NRIP1: variants seen among roughly 807,000 people sequenced by gnomAD.
NRIP1 encodes the protein nuclear receptor-interacting protein 1.
A neutral mutation model predicts 75.0 loss-of-function variants in NRIP1; 28 were observed. The ratio of observed to expected loss-of-function variants is 0.37; its 90% CI spans 0.28 to 0.51. The LOEUF (loss-of-function observed/expected upper bound fraction) is 0.51, where lower values mean the gene tolerates loss of function less well. NRIP1 is among the 20% of genes least tolerant of loss of function. The pLI, the probability that NRIP1 is intolerant of heterozygous loss-of-function variation, is 0.92. For synonymous variants in NRIP1, 526 were observed against 487.6 expected, an observed-to-expected ratio of 1.08 and a Z score of -1.04; for missense variants, 1,435 against 1,343.7, an observed-to-expected ratio of 1.07 and a Z score of -1.06.
chr21:14,988,732 A>G (rs534870737), intron 3 of NRIP1, among the ~76,000 whole-genome samples: 1 of 152,192 alleles, frequency 6.6e-6, no homozygotes, highest in South Asian at 2.1e-4. Flanking sequence ...ACCTCAGGAG[A>G]ATGGAACAAC....
At chr21:15,059,478 T>C (rs1446489072) in intron 1 of NRIP1, among the ~76,000 whole-genome samples, 1 of 152,108 alleles carries the variant, frequency 6.6e-6, no homozygotes, top group African/African-American at 2.4e-5. Flanking sequence ...TGTTTACTAT[T>C]ATTATTTTTT....
At chr21:15,027,242 G>A (rs56294909) in intron 2 of NRIP1, among the ~76,000 whole-genome samples, 4 of 152,174 alleles carry the variant, frequency 2.6e-5, no homozygotes, top group Non-Finnish European at 5.9e-5. Flanking sequence ...GACAGATTCA[G>A]CTGTGGTAGT....
intron 3 of NRIP1, among the ~76,000 whole-genome samples, chr21:15,011,252 C>T (rs546864679): frequency 6.6e-5 from 10 of 152,132 alleles, no homozygotes; most frequent in Middle Eastern, 3.4e-3. Context: ...TGCAGTGGCG[C>T]GATCTCAGCT....
Position 14,965,607 on chromosome 21 carries a change from A to G in NRIP1, c.2586T>C (p.Tyr862=). The G allele has an allele frequency of 6.2e-7, 1 of 1,613,758 alleles. No individual in the cohort carries two copies. The highest frequency in any genetic ancestry group is 1.1e-5 in the South Asian group (1 of 91,040). Reference sequence around the variant, plus strand: ...TAAATGGATTTTCTAATGGCTCAGTATAAAGCTTCCTTTTCTTAGGGACCA... The same window carrying G: ...TAAATGGATTTTCTAATGGCTCAGTGTAAAGCTTCCTTTTCTTAGGGACCA... ...LCMVPKKRKL[Y]TEPLENPFKK... Residue 862 remains tyrosine (Y), a synonymous_variant, in exon 4 of 4, where the codon TAT becomes TAC. Transcript: ENST00000318948.
intron 3 of NRIP1, among the ~76,000 whole-genome samples, chr21:15,002,758 A>T (rs1481776429): frequency 6.6e-6 from 1 of 152,212 alleles, no homozygotes; most frequent in East Asian, 1.9e-4. Context: ...ACATGAATTT[A>T]TCATTTCAGG....
intron 3 of NRIP1, among the ~76,000 whole-genome samples, chr21:15,011,512 A>C (rs945948627): frequency 1.1e-4 from 16 of 152,112 alleles, no homozygotes; most frequent in African/African-American, 3.9e-4. Flanking sequence ...TTAAAAAAAA[A>C]TTTATATAGA....
At chr21:15,056,291 T>TA (rs113146551) in intron 1 of NRIP1, among the ~76,000 whole-genome samples, 2,372 of 123,206 alleles carry the variant, frequency 0.019, 48 homozygotes, top group African/African-American at 0.059. Context: ...AATTCAAAGT[T>TA]AAAAAAAAAA....
chr21:14,965,177 C>G lies in NRIP1; in HGVS notation c.3016G>C (p.Val1006Leu). The G allele has an allele frequency of 2.5e-6, 4 of 1,613,478 alleles. No homozygotes were observed. Among genetic ancestry groups the G allele is most frequent in the Non-Finnish European group, 3.4e-6 (4 of 1,179,930 alleles). ...DNRTFSYPGV[V>L]KTPVSPTFPE... ...AAAGTAGGACTCACAGGAGTTTTTACTACACCTGGGTATGAAAATGTCCTG... is the reference window on the plus strand; with the variant it reads ...AAAGTAGGACTCACAGGAGTTTTTAGTACACCTGGGTATGAAAATGTCCTG... Residue 1006 changes from valine to leucine, a missense_variant, in exon 4 of 4, where the codon GTA (valine) becomes CTA (leucine). Transcript: ENST00000318948.
intron 3 of NRIP1, chr21:14,992,670 A>G (rs1463404288): frequency 6.6e-6 from 1 of 152,134 alleles, no homozygotes; most frequent in African/African-American, 2.4e-5. Context: ...GAAGTGACAC[A>G]AGTGAAAGAA....
At chr21:15,035,737 T>G (rs1439506747) in intron 2 of NRIP1, among the ~76,000 whole-genome samples, 1 of 152,004 alleles carries the variant, frequency 6.6e-6, no homozygotes, top group East Asian at 1.9e-4. Flanking sequence ...TTTGTATTTT[T>G]AGTAGGGACG....
chr21:15,051,563 C>G (rs1260966423), intron 1 of NRIP1: 1 of 152,502 alleles, frequency 6.6e-6, no homozygotes, highest in Non-Finnish European at 1.5e-5. Context: ...CTTCCTCCCT[C>G]ACCTGTTCCC....
intron 1 of NRIP1, among the ~76,000 whole-genome samples, chr21:15,061,681 A>G (rs2147432189): frequency 6.6e-6 from 1 of 152,326 alleles, no homozygotes. Context: ...CTGATACACC[A>G]AACTATTACT....
intron 2 of NRIP1, among the ~76,000 whole-genome samples, chr21:15,017,988 C>T (rs940612819): frequency 8.5e-5 from 13 of 152,230 alleles, no homozygotes; most frequent in African/African-American, 2.9e-4. Context: ...AAATAAACTA[C>T]TCTAACATTA....
intron 3 of NRIP1, among the ~76,000 whole-genome samples, chr21:15,012,447 C>CTTTTTTTTTTTTTTTTT (rs869160226): frequency 2.5e-5 from 2 of 79,366 alleles, no homozygotes; most frequent in Non-Finnish European, 4.3e-5. Flanking sequence ...ATTATAATGT[C>CTTTTTTTTTTTTTTTTT]TTTTTTTTTT....
intron 3 of NRIP1, among the ~76,000 whole-genome samples, chr21:14,981,662 T>C (rs1600827584): frequency 6.6e-6 from 1 of 152,302 alleles, no homozygotes; most frequent in South Asian, 2.1e-4. Flanking sequence ...ATAAAGAACA[T>C]TAAAAACAAC....
At chr21:14,976,154 A>C (rs2087060641) in intron 3 of NRIP1, among the ~76,000 whole-genome samples, 1 of 152,214 alleles carries the variant, frequency 6.6e-6, no homozygotes, top group Non-Finnish European at 1.5e-5. Context: ...TATAAACAGA[A>C]TCTTCCTTTT....
intron 2 of NRIP1, among the ~76,000 whole-genome samples, chr21:15,028,900 G>A (rs2088582276): frequency 6.6e-6 from 1 of 151,896 alleles, no homozygotes; most frequent in Non-Finnish European, 1.5e-5. Context: ...AGGTCTCCAA[G>A]CATTTCAAGT....
intron 3 of NRIP1, among the ~76,000 whole-genome samples, chr21:15,013,941 G>T (rs1260683467): frequency 6.6e-6 from 1 of 152,128 alleles, no homozygotes; most frequent in East Asian, 1.9e-4. Flanking sequence ...TGTAGGATTT[G>T]TATTAACTGT....
At chr21:15,006,727 T>C (rs1452314278) in intron 3 of NRIP1, among the ~76,000 whole-genome samples, 1 of 152,168 alleles carries the variant, frequency 6.6e-6, no homozygotes, top group Non-Finnish European at 1.5e-5. Context: ...TTCAGGTATG[T>C]TTTCCTGAAC....
Sources: allele counts gnomAD v4.1 joint callset (sites outside exome capture counted in the v4.1 genomes callset), GRCh38; gene constraint gnomAD v4.1.1; transcripts MANE v1.5; gene names NCBI Gene and HGNC (gene_info 2026-07-23, HGNC 2026-07-21).